Variants in SEC24C observed in about 807,000 individuals in gnomAD.
SEC24C encodes protein transport protein Sec24C.
Under a neutral mutation model 117.0 loss-of-function variants are expected in SEC24C, and 22 were observed. That is an observed-to-expected ratio of 0.19 (90% CI 0.13 to 0.27). SEC24C has a LOEUF of 0.27. SEC24C is among the 10% of genes least tolerant of loss of function. The pLI, the probability that SEC24C is intolerant of heterozygous loss-of-function variation, is 1.00. For synonymous variants in SEC24C, 506 were observed against 529.4 expected, an observed-to-expected ratio of 0.96 and a Z score of 0.61; for missense variants, 1,155 against 1,375.1, an observed-to-expected ratio of 0.84 and a Z score of 2.53.
intron 22 of SEC24C, 78 bp downstream of exon 22, chr10:73,770,876 A>G (rs1248934353): frequency 1.2e-6 from 2 of 1,612,602 alleles, no homozygotes; most frequent in Admixed American, 1.7e-5. Flanking sequence ...GGGAATGAGT[A>G]AGTGACTGCC....
At chr10:73,749,169 T>G (rs1271403640) in intron 2 of SEC24C, among the ~76,000 whole-genome samples, 1 of 152,222 alleles carries the variant, frequency 6.6e-6, no homozygotes, top group Non-Finnish European at 1.5e-5. Context: ...CCTGGTCACA[T>G]TGTTCAGAGC....
At chr10:73,748,943 A>G (rs998232399) in intron 2 of SEC24C, among the ~76,000 whole-genome samples, 2 of 152,044 alleles carry the variant, frequency 1.3e-5, no homozygotes, top group African/African-American at 2.4e-5. Context: ...GGATTTTGCC[A>G]TGTTGGCCAG....
In SEC24C at chr10:73,748,106, T is replaced by A. The variant is rs551462409; in HGVS notation, c.172+1102T>A. ...CACCACGCCCGGCCCCTTCCCTGTT[T>A]TTTTATTTTATTTTACTTATTTTAT... On this transcript the variant is annotated intron_variant, in intron 2 of 22. Transcript: ENST00000345254. Among the ~76,000 whole-genome samples, 66 of 152,016 alleles carry A rather than the reference T, an allele frequency of 4.3e-4. No individual in the cohort carries two copies. The South Asian group carries it at 5.2e-3, about 12-fold the overall frequency.
chr10:73,768,930 T>C, intron 16 of SEC24C, 24 bp downstream of exon 16: 1 of 1,614,012 alleles, frequency 6.2e-7, no homozygotes, highest in African/African-American at 1.3e-5. Context: ...GAAGAGCAGG[T>C]TGGGGGGCTA....
intron 8 of SEC24C, 133 bp from the exon 9 acceptor site, chr10:73,765,318 T>C (rs139973654): frequency 5.2e-5 from 47 of 902,548 alleles, no homozygotes; most frequent in African/African-American, 2.2e-4. Context: ...CTTTCATCAT[T>C]GTGCTCCCTA....
At chr10:73,767,773 T>G in intron 14 of SEC24C, 64 bp from the exon 15 acceptor site, 1 of 1,336,612 alleles carries the variant, frequency 7.5e-7, no homozygotes, top group African/African-American at 1.5e-5. Context: ...AGATATACAG[T>G]TTTCAAATAG....
At chr10:73,765,348 A>G (rs189090820) in intron 8 of SEC24C, 103 bp from the exon 9 acceptor site, 2 of 1,294,266 alleles carry the variant, frequency 1.5e-6, no homozygotes, top group East Asian at 2.3e-5. Context: ...CAGACAGAAT[A>G]TCTGCGCCAT....
At chr10:73,770,834 T>TC (rs769136435) in intron 22 of SEC24C, 36 bp downstream of exon 22, 3 of 1,611,944 alleles carry the variant, frequency 1.9e-6, no homozygotes, top group Non-Finnish European at 2.5e-6. Flanking sequence ...TCTTACCTTG[T>TC]CAAGTCCTCA....
chr10:73,755,561 C>A (rs2082697985), intron 3 of SEC24C, among the ~76,000 whole-genome samples: 4 of 151,918 alleles, frequency 2.6e-5, no homozygotes, highest in Admixed American at 2.0e-4. Context: ...CCTATAGTCA[C>A]AGCTACTTGG....
At chr10:73,754,427 G>A (rs2082683525) in intron 3 of SEC24C, among the ~76,000 whole-genome samples, 1 of 152,046 alleles carries the variant, frequency 6.6e-6, no homozygotes, top group South Asian at 2.1e-4. Flanking sequence ...GAAAAAAAAA[G>A]TATATGGGAG....
intron 2 of SEC24C, among the ~76,000 whole-genome samples, chr10:73,748,663 C>T (rs1028040932): frequency 6.6e-6 from 1 of 152,034 alleles, no homozygotes; most frequent in Non-Finnish European, 1.5e-5. Flanking sequence ...TCTCAAACTC[C>T]TGGCCTCAGG....
intron 1 of SEC24C, among the ~76,000 whole-genome samples, chr10:73,745,532 A>G (rs1440878825): frequency 1.4e-5 from 2 of 143,964 alleles, no homozygotes; most frequent in South Asian, 2.2e-4. Flanking sequence ...TTACCTTGCT[A>G]GAGTTTTCAG....
chr10:73,748,759 T>G (rs2082599989), intron 2 of SEC24C, among the ~76,000 whole-genome samples: 1 of 150,588 alleles, frequency 6.6e-6, no homozygotes, highest in Non-Finnish European at 1.5e-5. Flanking sequence ...TTTTTATTTT[T>G]GAGCTGGAGT....
In SEC24C at chr10:73,770,659, A is replaced by C. The variant is rs758247157; in HGVS notation, c.3055-50A>C. The C allele has an allele frequency of 6.9e-6, 11 of 1,595,214 alleles. No homozygotes were observed. In the South Asian group the frequency reaches 1.2e-4, roughly 18 times the overall value. ...CATACATGTATGCTGCCCCACCTTG[A>C]CTGAACTCAGAGTGCCTTACCATAA... On this transcript the variant is annotated intron_variant, in intron 21 of 22. Transcript: ENST00000345254.
intron 3 of SEC24C, among the ~76,000 whole-genome samples, chr10:73,754,064 G>T (rs1330835667): frequency 2.0e-5 from 3 of 152,080 alleles, no homozygotes; most frequent in African/African-American, 7.2e-5. Flanking sequence ...CAAAAGATTG[G>T]ACACCCCTGA....
intron 10 of SEC24C, 72 bp downstream of exon 10, chr10:73,765,987 T>C (rs1488704240): frequency 6.3e-7 from 1 of 1,584,836 alleles, no homozygotes; most frequent in Non-Finnish European, 8.6e-7. Context: ...TGTTATCATT[T>C]CCCTCACCCC....
In SEC24C at chr10:73,771,298, C is replaced by A; in HGVS notation, c.*203C>A. 1.7e-6 allele frequency: 1 copy of A among 594,594 alleles called. No individual in the cohort carries two copies. The highest frequency in any genetic ancestry group is 2.1e-5 in the South Asian group (1 of 47,076). 36.8% of individuals were successfully genotyped at this position (594,594 alleles called of 1,614,324 possible). On this transcript the variant is annotated 3_prime_UTR_variant, in exon 23 of 23. Transcript: ENST00000345254. The stretch of plus-strand genomic sequence containing the variant: ...CCTGCTGATGGAAGGTGCCCCTGTT[C>A]CCTCATTCTACCCTCTTTTTCCTGC...
chr10:73,753,271 C>T (rs1314907682), intron 3 of SEC24C, among the ~76,000 whole-genome samples: 2 of 152,114 alleles, frequency 1.3e-5, no homozygotes, highest in Non-Finnish European at 2.9e-5. Flanking sequence ...AGGCTGGTCT[C>T]GAACTCCTGA....
At chr10:73,761,945 C>T (rs1161236665) in intron 6 of SEC24C, among the ~76,000 whole-genome samples, 1 of 152,116 alleles carries the variant, frequency 6.6e-6, no homozygotes, top group Non-Finnish European at 1.5e-5. Flanking sequence ...CTTGGAATTT[C>T]ATATCTAGAG....
Sources: gnomAD v4.1 joint callset for allele counts (sites outside exome capture counted in the v4.1 genomes callset) on GRCh38, gnomAD v4.1.1 for gene constraint, MANE v1.5 for transcripts, NCBI Gene and HGNC (gene_info 2026-07-23, HGNC 2026-07-21) for gene names.